The following TMC5 variants were observed in gnomAD, a reference collection of about 807,000 sequenced individuals.
The protein encoded by TMC5 is transmembrane channel like 5, also known as transmembrane channel-like protein 5.
Under a neutral mutation model 110.5 loss-of-function variants are expected in TMC5, and 86 were observed. The observed-to-expected ratio is 0.78, with a 90% confidence interval of 0.65 to 0.93. The LOEUF (loss-of-function observed/expected upper bound fraction) is 0.93. Among genes scored for constraint, TMC5 ranks in the 40% least tolerant of loss-of-function variants. The probability of loss-of-function intolerance (pLI) is 0.00; values close to 1 mark genes in which losing one functional copy is unlikely to be tolerated. For missense variants in TMC5, 1,144 were observed against 1,222.8 expected, an observed-to-expected ratio of 0.94 and a Z score of 0.96; for synonymous variants, 455 against 439.5, an observed-to-expected ratio of 1.04 and a Z score of -0.44.
chr16:19,463,193 T>A, intron 6 of TMC5, 87 bp from the exon 7 acceptor site: 1 of 1,028,878 alleles, frequency 9.7e-7, no homozygotes, highest in Admixed American at 1.8e-5. Flanking sequence ...GTGTTGGGAT[T>A]ACAGGCATGA....
At chr16:19,485,095 T>C (rs1363546571) in intron 15 of TMC5, among the ~76,000 whole-genome samples, 2 of 148,518 alleles carry the variant, frequency 1.3e-5, no homozygotes, top group East Asian at 4.0e-4. Context: ...ATCTACTTAA[T>C]TTTTTTTATT....
chr16:19,446,030 C>CGGACA (rs1464496165), intron 4 of TMC5, among the ~76,000 whole-genome samples: 7 of 129,092 alleles, frequency 5.4e-5, no homozygotes, highest in South Asian at 5.6e-4. Context: ...AAGAAAGGAC[C>CGGACA]GGACAGGACA....
chr16:19,479,357 A>G (rs111542146), intron 13 of TMC5, 74 bp from the exon 14 acceptor site: 12 of 1,131,160 alleles, frequency 1.1e-5, no homozygotes, highest in Middle Eastern at 4.7e-4. Context: ...ATGGGTACAT[A>G]GAGCCAGGAA....
At chr16:19,465,091 TCCTTCCTTCCTTCCTTCCTTCCTC>T (rs1214901001) in intron 8 of TMC5, among the ~76,000 whole-genome samples, 2,182 of 104,928 alleles carry the variant, frequency 0.021, 46 homozygotes, top group African/African-American at 0.054. Context: ...CTTCCTTCCT[TCCTTCCTTCCTTCCTTCCTTCCTC>T]CCTCCCTCCC....
At position 19,448,207 on chromosome 16, in the gene TMC5, A is replaced by C. The variant is rs886742775; in HGVS notation, c.959-1335A>C. 2.0e-5 allele frequency among the ~76,000 whole-genome samples: 3 copies of C among 151,588 alleles called. No homozygotes were observed. In the East Asian group the frequency reaches 5.9e-4, roughly 30 times the overall value. On this transcript the variant is annotated intron_variant, in intron 4 of 21. Transcript: ENST00000542583. Reference sequence around the variant, plus strand: ...AAGGCTATGTTAGAGTGCAGTTTATATAGTCAAACAAAGTATTATTTTGTA... The same window carrying C: ...AAGGCTATGTTAGAGTGCAGTTTATCTAGTCAAACAAAGTATTATTTTGTA...
intron 20 of TMC5, among the ~76,000 whole-genome samples, chr16:19,494,934 A>G (rs1348724628): frequency 6.6e-6 from 1 of 152,038 alleles, no homozygotes; most frequent in African/African-American, 2.4e-5. Flanking sequence ...CACAACCCCG[A>G]TAATACAGAA....
intron 20 of TMC5, among the ~76,000 whole-genome samples, chr16:19,494,955 C>T (rs370381487): frequency 2.4e-4 from 36 of 151,938 alleles, no homozygotes; most frequent in African/African-American, 8.7e-4. Flanking sequence ...GTAGATCCCA[C>T]TGAGATGAAA....
At chr16:19,484,476 G>T (rs1161479625) in intron 15 of TMC5, among the ~76,000 whole-genome samples, 3 of 152,042 alleles carry the variant, frequency 2.0e-5, no homozygotes, top group Non-Finnish European at 4.4e-5. Context: ...TTTTCGAGGG[G>T]ATTAAATAGG....
rs1471986478 is a variant in TMC5 at position 19,439,966 on chromosome 16, A to G, written c.-73A>G. ...TTTTCTTCTTGTTTTTCAGGTGAAA[A>G]AAAAAAAAGATCCCTGAGTAATTGC... On this transcript the variant is annotated 5_prime_UTR_variant, in exon 3 of 22. Coordinates refer to ENST00000542583, the MANE Select transcript of TMC5 (RefSeq NM_001261841.2). 3 of 1,333,282 alleles carry G rather than the reference A, an allele frequency of 2.3e-6. No individual in the cohort carries two copies. Among genetic ancestry groups the G allele is most frequent in the Non-Finnish European group, 3.1e-6 (3 of 970,302 alleles). The allele number at this position is 1,333,282 out of a possible 1,614,324, so 82.6% of individuals were successfully genotyped here.
chr16:19,491,701 A>G (rs147626352), intron 18 of TMC5, among the ~76,000 whole-genome samples: 3,241 of 151,794 alleles, frequency 0.021, 108 homozygotes, highest in African/African-American at 0.072. Context: ...ACGCCCAGCT[A>G]ATTTTTTGCA....
chr16:19,429,556 C>T (rs908751708), intron 1 of TMC5, among the ~76,000 whole-genome samples: 4 of 152,116 alleles, frequency 2.6e-5, no homozygotes, highest in Admixed American at 2.0e-4. Context: ...TGTGTGTGAG[C>T]GTCCCATGAC....
At chr16:19,482,128 C>T (rs184773263) in intron 15 of TMC5, among the ~76,000 whole-genome samples, 295 of 152,202 alleles carry the variant, frequency 1.9e-3, no homozygotes, top group African/African-American at 6.6e-3. Context: ...GGTGTGATTT[C>T]GGCTCACTGC....
chr16:19,492,942 A>ATATATATATATATAT lies in TMC5; in HGVS notation c.2826+714_2826+715insTATATATATATATAT, dbSNP rs57619005. On this transcript the variant is annotated intron_variant, in intron 19 of 21. Transcript: ENST00000542583. ...TATATATATATATATATCTCTCTAT[A>ATATATATATATATAT]AGATAAATACTTTTATTTCATTTAT... Among the ~76,000 whole-genome samples the ATATATATATATATAT allele has an allele frequency of 3.3e-4, 35 of 107,620 alleles. 1 individual carries two copies. The highest frequency in any genetic ancestry group is 4.7e-4 in the Non-Finnish European group (23 of 49,068). 70.6% of individuals were successfully genotyped at this position (107,620 alleles called of 152,430 possible). A position where few individuals can be genotyped will look rare whatever the true frequency, so the allele number is the denominator to read the frequency against.
At chr16:19,492,837 G>C (rs114075323) in intron 19 of TMC5, among the ~76,000 whole-genome samples, 1 of 149,994 alleles carries the variant, frequency 6.7e-6, no homozygotes, top group African/African-American at 2.4e-5. Context: ...TTACAGGCAG[G>C]TGCCACTCCA....
chr16:19,463,374 C>A lies in TMC5; in HGVS notation c.1236+7C>A. The A allele has an allele frequency of 6.2e-7, 1 of 1,600,308 alleles. No individual in the cohort carries two copies. The highest frequency in any genetic ancestry group is 8.6e-7 in the Non-Finnish European group (1 of 1,167,578). On this transcript the variant is annotated splice_region_variant and intron_variant, in intron 7 of 21. Transcript: ENST00000542583. ...TCTGAACTCCATTTCCCGGGTAAGT[C>A]AGTAAAACAGGCACAGCAAGAGGGT...
intron 4 of TMC5, 88 bp downstream of exon 4, chr16:19,444,338 T>C: frequency 4.2e-6 from 5 of 1,200,498 alleles, no homozygotes; most frequent in East Asian, 4.8e-5. Flanking sequence ...GACTTGGCAA[T>C]AGGAGAATTG....
chr16:19,411,029 C>G (rs1052555752), exon 1 of TMC5: 6 of 152,286 alleles, frequency 3.9e-5, no homozygotes, highest in Non-Finnish European at 5.9e-5. Flanking sequence ...AGCCCCAGAC[C>G]GCCGCGCTCT....
At position 19,449,420 on chromosome 16, in the gene TMC5, A is replaced by C. The variant is rs563444177; in HGVS notation, c.959-122A>C. 12 of 799,950 alleles carry C rather than the reference A, an allele frequency of 1.5e-5. No homozygotes were observed. In the African/African-American group the frequency reaches 1.7e-4, roughly 11 times the overall value. The allele number at this position is 799,950 out of a possible 1,614,324, so 49.6% of individuals were successfully genotyped here. A position where few individuals can be genotyped will look rare whatever the true frequency, so the allele number is the denominator to read the frequency against. On this transcript the variant is annotated intron_variant, in intron 4 of 21. Transcript: ENST00000542583. ...TAATCAGTAGTCTGTTAGAACCTCA[A>C]AGACCAGGTCTCAGTCTTATTAGCC... is the stretch of plus-strand genomic sequence containing the variant.
rs1567331317 is a variant in TMC5, at chr16:19,497,106, TTTTTTC to T, written c.2932-8_2932-3del. On this transcript the variant is annotated splice_polypyrimidine_tract_variant and intron_variant, in intron 20 of 21. Coordinates refer to ENST00000542583, the MANE Select transcript of TMC5 (RefSeq NM_001261841.2). The stretch of plus-strand genomic sequence containing the variant: ...CTTCCTCCGTGACGTGGCTGCTTGT[TTTTTTC>T]TTTTTCAGCAACAAGGCTTTTTGCA... 6.2e-6 allele frequency: 10 copies of T among 1,613,982 alleles called. No individual in the cohort carries two copies. Among genetic ancestry groups the T allele is most frequent in the Non-Finnish European group, 8.5e-6 (10 of 1,179,970 alleles).
Sources: allele counts gnomAD v4.1 joint callset (sites outside exome capture counted in the v4.1 genomes callset), GRCh38; gene constraint gnomAD v4.1.1; transcripts MANE v1.5; gene names NCBI Gene and HGNC (gene_info 2026-07-23, HGNC 2026-07-21).